The following AGBL4 variants were observed in gnomAD, a reference collection of about 807,000 sequenced individuals.
The protein encoded by AGBL4 is cytosolic carboxypeptidase 6.
Under a neutral mutation model 66.4 loss-of-function variants are expected in AGBL4, and 58 were observed. The ratio of observed to expected loss-of-function variants is 0.87; its 90% CI spans 0.71 to 1.09. The LOEUF (loss-of-function observed/expected upper bound fraction) is 1.09. AGBL4 is among the 50% of genes least tolerant of loss of function. The pLI is 0.00. For missense variants in AGBL4, 579 were observed against 631.0 expected, an observed-to-expected ratio of 0.92 and a Z score of 0.88; for synonymous variants, 234 against 222.9, an observed-to-expected ratio of 1.05 and a Z score of -0.44.
intron 5 of AGBL4, among the ~76,000 whole-genome samples, chr1:48,943,785 G>T (rs1337631738): frequency 1.3e-5 from 2 of 152,126 alleles, no homozygotes; most frequent in East Asian, 3.8e-4. Flanking sequence ...TGTTGTTGTG[G>T]CTGGTGGTGG....
intron 5 of AGBL4, among the ~76,000 whole-genome samples, chr1:48,938,941 C>T (rs867814152): frequency 1.3e-5 from 2 of 152,310 alleles, no homozygotes; most frequent in Non-Finnish European, 1.5e-5. Context: ...TGAATTATCA[C>T]ATTTAATCTT....
chr1:49,951,647 C>T (rs1019407501), intron 1 of AGBL4, among the ~76,000 whole-genome samples: 4 of 151,998 alleles, frequency 2.6e-5, no homozygotes, highest in East Asian at 1.9e-4. Flanking sequence ...CTACGGCATA[C>T]GTATTCCCAT....
chr1:49,142,932 C>T (rs1276175501), intron 4 of AGBL4, among the ~76,000 whole-genome samples: 1 of 152,102 alleles, frequency 6.6e-6, no homozygotes, highest in African/African-American at 2.4e-5. Context: ...TATTCCAATA[C>T]TTACATATGT....
At chr1:48,740,400 C>A (rs1186735711) in intron 6 of AGBL4, among the ~76,000 whole-genome samples, 1 of 152,188 alleles carries the variant, frequency 6.6e-6, no homozygotes, top group South Asian at 2.1e-4. Flanking sequence ...TGTTTCCCTA[C>A]CCATACTATG....
At chr1:48,584,003 C>T (rs7539694) in intron 11 of AGBL4, 27,050 of 151,936 alleles carry the variant, frequency 0.18, 2,934 homozygotes, top group African/African-American at 0.3. Flanking sequence ...ATCAGTATCA[C>T]GACCTGCTCA....
At chr1:48,693,474 A>G (rs1236610976) in intron 6 of AGBL4, among the ~76,000 whole-genome samples, 1 of 151,608 alleles carries the variant, frequency 6.6e-6, no homozygotes, top group East Asian at 1.9e-4. Context: ...CTCCGCGCTG[A>G]CCTGTCGGCT....
At chr1:49,641,108 C>T (rs2124404850) in intron 3 of AGBL4, among the ~76,000 whole-genome samples, 1 of 152,170 alleles carries the variant, frequency 6.6e-6, no homozygotes, top group South Asian at 2.1e-4. Flanking sequence ...TTACTTATTC[C>T]ATTTTGTGGT....
At chr1:48,808,522 C>T (rs1007812968) in intron 6 of AGBL4, among the ~76,000 whole-genome samples, 1 of 152,120 alleles carries the variant, frequency 6.6e-6, no homozygotes, top group African/African-American at 2.4e-5. Context: ...TTTGGAGAGT[C>T]CCAAGGGAAA....
At position 48,653,577 on chromosome 1, in the gene AGBL4, G is replaced by C. The variant is rs377504162; in HGVS notation, c.725-126C>G. The C allele has an allele frequency of 3.3e-3, 2,181 of 656,832 alleles. 71 individuals carry two copies. In the South Asian group the frequency reaches 0.038, roughly 11 times the overall value. The allele number at this position is 656,832 out of a possible 1,614,324, so 40.7% of individuals were successfully genotyped here. A position where few individuals can be genotyped will look rare whatever the true frequency, so the allele number is the denominator to read the frequency against. On this transcript the variant is annotated intron_variant, in intron 7 of 13. Coordinates refer to ENST00000371839, the MANE Select transcript of AGBL4 (RefSeq NM_032785.4). ...TTGGCCTGTGTTGTTATTGGCCACT[G>C]TGGGTGTGTGGTTATAGACTACGCG...
At chr1:49,464,153 A>T (rs962363508) in intron 3 of AGBL4, among the ~76,000 whole-genome samples, 21 of 151,772 alleles carry the variant, frequency 1.4e-4, no homozygotes, top group Admixed American at 1.1e-3. Context: ...AAAACTGAGA[A>T]GGCAACTAAG....
At chr1:49,697,947 G>T (rs144571544) in intron 2 of AGBL4, among the ~76,000 whole-genome samples, 133 of 152,166 alleles carry the variant, frequency 8.7e-4, no homozygotes, top group African/African-American at 3.1e-3. Flanking sequence ...TGTACAGTAA[G>T]GTTTTAAACA....
intron 4 of AGBL4, among the ~76,000 whole-genome samples, chr1:49,053,087 C>T (rs1401146023): frequency 2.0e-5 from 3 of 152,110 alleles, no homozygotes; most frequent in African/African-American, 4.8e-5. Flanking sequence ...AAATGTGATA[C>T]TCATCATGCT....
intron 3 of AGBL4, among the ~76,000 whole-genome samples, chr1:49,358,497 T>C (rs1220611502): frequency 6.6e-6 from 1 of 152,194 alleles, no homozygotes; most frequent in African/African-American, 2.4e-5. Flanking sequence ...CTGCATCTTA[T>C]TATTGGACAG....
chr1:49,232,515 G>A (rs1196425713), intron 4 of AGBL4, among the ~76,000 whole-genome samples: 3 of 151,982 alleles, frequency 2.0e-5, no homozygotes, highest in African/African-American at 7.2e-5. Flanking sequence ...TGGCTAACAC[G>A]TTGAAACCCT....
intron 2 of AGBL4, among the ~76,000 whole-genome samples, chr1:49,842,826 T>G (rs1386734652): frequency 6.6e-6 from 1 of 152,130 alleles, no homozygotes; most frequent in East Asian, 1.9e-4. Flanking sequence ...TCTGAGAGAA[T>G]ACTAGCATTT....
intron 3 of AGBL4, among the ~76,000 whole-genome samples, chr1:49,463,610 T>C (rs1378975565): frequency 6.6e-6 from 1 of 151,682 alleles, no homozygotes; most frequent in Non-Finnish European, 1.5e-5. Context: ...TTAAAGGTTA[T>C]CAGTAAAGAA....
intron 1 of AGBL4, among the ~76,000 whole-genome samples, chr1:49,920,826 G>C (rs1652149648): frequency 6.6e-6 from 1 of 152,084 alleles, no homozygotes; most frequent in Non-Finnish European, 1.5e-5. Context: ...CAATAGCAAA[G>C]ACTTGGAACG....
chr1:49,637,003 T>C (rs1645686794), intron 3 of AGBL4, among the ~76,000 whole-genome samples: 1 of 152,124 alleles, frequency 6.6e-6, no homozygotes, highest in African/African-American at 2.4e-5. Flanking sequence ...GGCTAGAATA[T>C]AAAGCAGACA....
At chr1:49,689,069 T>A (rs1313386552) in intron 3 of AGBL4, among the ~76,000 whole-genome samples, 2 of 152,238 alleles carry the variant, frequency 1.3e-5, no homozygotes, top group Non-Finnish European at 2.9e-5. Flanking sequence ...AGAAGCTTTT[T>A]AACTTGATAT....
Sources: allele counts gnomAD v4.1 joint callset (sites outside exome capture counted in the v4.1 genomes callset), GRCh38; gene constraint gnomAD v4.1.1; transcripts MANE v1.5; gene names NCBI Gene and HGNC (gene_info 2026-07-23, HGNC 2026-07-21).